ANKRD13B: variants seen among roughly 807,000 people sequenced by gnomAD.
ANKRD13B encodes ankyrin repeat domain-containing protein 13B.
In ANKRD13B, 33 loss-of-function variants were observed where a neutral mutation model predicts 74.4. The ratio of observed to expected loss-of-function variants is 0.44; its 90% CI spans 0.34 to 0.59. The LOEUF (loss-of-function observed/expected upper bound fraction) is 0.59, where lower values mean the gene tolerates loss of function less well. Ranked by LOEUF, ANKRD13B falls within the 20% of genes least tolerant of loss-of-function variation. ANKRD13B has a pLI of 0.02. For synonymous variants in ANKRD13B, 341 were observed against 362.9 expected (o/e 0.94, Z 0.68); for missense variants, 676 against 877.9 (o/e 0.77, Z 2.91).
In ANKRD13B at chr17:29,612,194, G is replaced by A; in HGVS notation, c.1179G>A (p.Met393Ile). Residue 393 changes from methionine (M) to isoleucine (I), a missense_variant, in exon 11 of 15, where the codon ATG (methionine) becomes ATA (isoleucine). Transcript: ENST00000394859. The surrounding 1 kb of genome is among the most constrained non-coding windows in gnomAD (Gnocchi z 6.1). ...AGGTGGCCCCCATCATTGACCTCAT[G>A]GCCGTCAGCAATGCGCTTTTTGCCA... ...CEQVAPIIDL[M>I]AVSNALFAKL... The A allele has an allele frequency of 6.2e-7, 1 of 1,614,114 alleles. No homozygotes were observed.
intron 1 of ANKRD13B, among the ~76,000 whole-genome samples, chr17:29,598,563 T>C (rs2034042247): frequency 6.6e-6 from 1 of 151,698 alleles, no homozygotes; most frequent in African/African-American, 2.4e-5. Context: ...TTTTCTTTTT[T>C]CATGAGACAG....
At chr17:29,596,884 A>C (rs187575699) in intron 1 of ANKRD13B, among the ~76,000 whole-genome samples, 1 of 152,036 alleles carries the variant, frequency 6.6e-6, no homozygotes, top group Non-Finnish European at 1.5e-5. Flanking sequence ...GATGAGGGGG[A>C]GGGGCTGCAA....
rs2034563036 is a variant in ANKRD13B, at chr17:29,611,007, ATGTTGC to A, written c.904+247_904+252del. On this transcript the variant is annotated intron_variant, in intron 8 of 14. Transcript: ENST00000394859. This position sits in a 1 kb window ranked among gnomAD's most constrained non-coding sequence, Gnocchi z 4.3. The stretch of plus-strand genomic sequence containing the variant: ...AGAGCCATGCTGCAAGTGATTACTA[ATGTTGC>A]TGTTGAATTTGGGAGAGGAGAGAAA... 1.3e-5 allele frequency among the ~76,000 whole-genome samples: 2 copies of A among 152,256 alleles called. No individual in the cohort carries two copies. Among genetic ancestry groups the A allele is most frequent in the South Asian group, 4.1e-4 (2 of 4,822 alleles).
intron 1 of ANKRD13B, 71 bp downstream of exon 1, chr17:29,593,806 C>A: frequency 1.1e-6 from 1 of 947,816 alleles, no homozygotes; most frequent in Non-Finnish European, 1.4e-6. Context: ...GGAGGGGGTG[C>A]GGCGCGGGCT....
chr17:29,605,421 CACACACACACACAT>C (rs1022494678), intron 1 of ANKRD13B, among the ~76,000 whole-genome samples: 1 of 150,950 alleles, frequency 6.6e-6, no homozygotes, highest in Non-Finnish European at 1.5e-5. Flanking sequence ...CACAAACACA[CACACACACACACAT>C]ACACACACAC....
chr17:29,599,874 T>TTTTTTG, intron 1 of ANKRD13B, among the ~76,000 whole-genome samples: 1 of 116,818 alleles, frequency 8.6e-6, no homozygotes, highest in Non-Finnish European at 1.7e-5. Flanking sequence ...TGTTTTTTTT[T>TTTTTTG]TTTTTTTTTT....
rs772422619 is a variant in ANKRD13B, at chr17:29,612,459, G to GCGA, written c.1320_1322dup (p.Asp440dup). The GCGA allele has an allele frequency of 6.2e-7, 1 of 1,605,402 alleles. No homozygotes were observed. Among genetic ancestry groups the GCGA allele is most frequent in the Non-Finnish European group, 8.5e-7 (1 of 1,176,048 alleles). On this transcript the variant is annotated inframe_insertion, in exon 12 of 15. Coordinates refer to ENST00000394859, the MANE Select transcript of ANKRD13B (RefSeq NM_152345.5). This position sits in a 1 kb window ranked among gnomAD's most constrained non-coding sequence, Gnocchi z 6.1. ...ATCACCTTCGGGAACCTCAACGGCTGCGACGAACCGGTGCCATCGGTGCGA... is the reference window on the plus strand; with the variant it reads ...ATCACCTTCGGGAACCTCAACGGCTGCGACGACGAACCGGTGCCATCGGTGCGA...
chr17:29,597,737 G>T (rs948689046), intron 1 of ANKRD13B, among the ~76,000 whole-genome samples: 2 of 152,174 alleles, frequency 1.3e-5, no homozygotes, highest in Admixed American at 6.5e-5. Flanking sequence ...GGCTTGTGGG[G>T]AGAGCTGCTC....
At chr17:29,601,704 T>C (rs2034185538) in intron 1 of ANKRD13B, among the ~76,000 whole-genome samples, 1 of 152,190 alleles carries the variant, frequency 6.6e-6, no homozygotes, top group Admixed American at 6.5e-5. Context: ...TTCTTCAGTT[T>C]TGAAGAATAT....
chr17:29,613,143 G>A, intron 14 of ANKRD13B, 180 bp downstream of exon 14: 3 of 1,153,378 alleles, frequency 2.6e-6, no homozygotes. Context: ...GCTTCACCGC[G>A]GAGTTCAGAC....
intron 1 of ANKRD13B, among the ~76,000 whole-genome samples, chr17:29,596,893 A>G (rs2033974178): frequency 6.6e-6 from 1 of 152,158 alleles, no homozygotes; most frequent in East Asian, 1.9e-4. Context: ...GAGGGGCTGC[A>G]AGGGCAGGAT....
chr17:29,613,416 C>A lies in ANKRD13B; in HGVS notation c.1715C>A (p.Pro572His). 6.6e-7 allele frequency: 1 copy of A among 1,521,078 alleles called. No individual in the cohort carries two copies. The highest frequency in any genetic ancestry group is 8.8e-7 in the Non-Finnish European group (1 of 1,138,452). 94.2% of individuals were successfully genotyped at this position (1,521,078 alleles called of 1,614,324 possible). A position where few individuals can be genotyped will look rare whatever the true frequency, so the allele number is the denominator to read the frequency against. ...CCGGCGTCAGTGCCCAGCCCTCGGCCCAGCTCAGGGCCAGGTTCCGGCGGC... is the reference window on the plus strand; with the variant it reads ...CCGGCGTCAGTGCCCAGCCCTCGGCACAGCTCAGGGCCAGGTTCCGGCGGC... ...APPASVPSPR[P>H]SSGPGSGGHV... Residue 572 changes from proline (P) to histidine (H), a missense_variant, in exon 15 of 15, where the codon CCC (proline) becomes CAC (histidine). Transcript: ENST00000394859.
chr17:29,599,865 GTTTTTTTTTTTTTTTTTT>G (rs35600194), intron 1 of ANKRD13B, among the ~76,000 whole-genome samples: 2 of 50,772 alleles, frequency 3.9e-5, no homozygotes, highest in Non-Finnish European at 7.5e-5. Context: ...CATCTAATTT[GTTTTTTTTTTTTTTTTTT>G]TTTTTTTTTT....
At chr17:29,593,830 G>A in intron 1 of ANKRD13B, 95 bp downstream of exon 1, 2 of 648,896 alleles carry the variant, frequency 3.1e-6, no homozygotes, top group Non-Finnish European at 4.3e-6. Context: ...CCGCCTCCCT[G>A]GCGAGTTTGC....
Position 29,608,027 on chromosome 17 carries a change from C to T in ANKRD13B, c.292C>T (p.Gln98Ter). The change falls in exon 3 of 15, where the codon CAG becomes TAG. Residue 98 changes from glutamine to a stop codon, truncating the protein, a stop_gained. Transcript: ENST00000394859. LOFTEE classifies it high-confidence loss of function. The surrounding 1 kb of genome is among the most constrained non-coding windows in gnomAD (Gnocchi z 6.4). ...AVSTRDLELV[Q>*]LVLRYRDYQR... ...GAGTACCCGGGACCTGGAGCTGGTG[C>T]AGCTGGTGCTTCGGTACCGGGACTA... The T allele has an allele frequency of 6.2e-7, 1 of 1,612,292 alleles. No individual in the cohort carries two copies. The highest frequency in any genetic ancestry group is 8.5e-7 in the Non-Finnish European group (1 of 1,179,220).
rs1316550163 is a variant in ANKRD13B, at chr17:29,613,529, CAGG to C, written c.1840_1842del (p.Glu614del). ...GGAGGAGAGGCGGCGGCGCGCGCGCCAGGAGGAGGAGGAGCTGGAGCGCATCCT... is the reference window on the plus strand; with the variant it reads ...GGAGGAGAGGCGGCGGCGCGCGCGCCAGGAGGAGGAGCTGGAGCGCATCCT... On this transcript the variant is annotated inframe_deletion, in exon 15 of 15. Transcript: ENST00000394859. The C allele has an allele frequency of 1.9e-5, 29 of 1,524,378 alleles. No individual in the cohort carries two copies. The highest frequency in any genetic ancestry group is 7.9e-5 in the East Asian group (3 of 38,144). The allele number at this position is 1,524,378 out of a possible 1,614,324, so 94.4% of individuals were successfully genotyped here.
chr17:29,608,527 G>A lies in ANKRD13B; in HGVS notation c.421+287G>A. The stretch of plus-strand genomic sequence containing the variant: ...CAGGAGTCCTGTCTTTTTCACTGTT[G>A]TATTCCCAGTGGCTGGAACACTCAG... On this transcript the variant is annotated intron_variant, in intron 4 of 14. Transcript: ENST00000394859. The surrounding 1 kb of genome is among the most constrained non-coding windows in gnomAD (Gnocchi z 6.4). 1.7e-6 allele frequency: 1 copy of A among 579,650 alleles called. No individual in the cohort carries two copies. The highest frequency in any genetic ancestry group is 3.0e-6 in the Non-Finnish European group (1 of 330,410). The allele number at this position is 579,650 out of a possible 1,614,324, so 35.9% of individuals were successfully genotyped here.
chr17:29,606,057 CATG>C (rs2034360817), intron 1 of ANKRD13B, among the ~76,000 whole-genome samples: 1 of 151,834 alleles, frequency 6.6e-6, no homozygotes, highest in Non-Finnish European at 1.5e-5. Flanking sequence ...GGATTACAGG[CATG>C]GGCCACCACG....
intron 1 of ANKRD13B, among the ~76,000 whole-genome samples, chr17:29,597,592 A>G (rs2033998653): frequency 6.6e-6 from 1 of 151,932 alleles, no homozygotes; most frequent in South Asian, 2.1e-4. Flanking sequence ...TTTCATGGGA[A>G]ACCTTTTCAT....
Sources: allele counts gnomAD v4.1 joint callset (sites outside exome capture counted in the v4.1 genomes callset), GRCh38; gene constraint gnomAD v4.1.1; non-coding constraint Gnocchi (gnomAD v3.1); transcripts MANE v1.5; gene names NCBI Gene and HGNC (gene_info 2026-07-23, HGNC 2026-07-21).